Variants in KCNIP4 observed in about 807,000 individuals in gnomAD.
KCNIP4 encodes Kv channel-interacting protein 4.
KCNIP4 carries 12 observed loss-of-function variants against 34.0 expected under a neutral mutation model. The ratio of observed to expected loss-of-function variants is 0.35; its 90% confidence interval spans 0.23 to 0.57. The LOEUF (loss-of-function observed/expected upper bound fraction) is 0.57. Among genes scored for constraint, KCNIP4 ranks in the 20% least tolerant of loss-of-function variants. KCNIP4 has a pLI of 0.83. For missense variants in KCNIP4, 238 were observed against 311.7 expected (o/e 0.76, Z 1.78); for synonymous variants, 124 against 102.2 (o/e 1.21, Z -1.29).
chr4:21,455,772 G>A (rs1728874599), intron 1 of KCNIP4, among the ~76,000 whole-genome samples: 1 of 113,122 alleles, frequency 8.8e-6, no homozygotes, highest in Non-Finnish European at 1.8e-5. Flanking sequence ...CCCTATATAT[G>A]TATAGTCATA....
intron 1 of KCNIP4, chr4:21,848,198 ACC>A (rs957885896): frequency 3.3e-5 from 5 of 151,992 alleles, no homozygotes. Context: ...TAAACCACTC[ACC>A]CTGAAAAGCC....
chr4:20,814,106 T>C (rs13121944), intron 3 of KCNIP4, among the ~76,000 whole-genome samples: 4,066 of 152,272 alleles, frequency 0.027, 94 homozygotes, highest in South Asian at 0.083. Context: ...CATCGTATGG[T>C]GCTGGGAAGG....
intron 1 of KCNIP4, among the ~76,000 whole-genome samples, chr4:21,185,810 T>A (rs1315553840): frequency 6.6e-6 from 1 of 152,216 alleles, no homozygotes; most frequent in Non-Finnish European, 1.5e-5. Flanking sequence ...TGAGTTCACA[T>A]GAGGCATCTA....
intron 1 of KCNIP4, among the ~76,000 whole-genome samples, chr4:20,997,574 C>A (rs1737668705): frequency 6.6e-6 from 1 of 152,146 alleles, no homozygotes; most frequent in African/African-American, 2.4e-5. Context: ...TTAGGAAGGG[C>A]TGGGAAAGAG....
intron 1 of KCNIP4, among the ~76,000 whole-genome samples, chr4:21,662,717 T>C (rs577103253): frequency 3.2e-4 from 49 of 152,316 alleles, no homozygotes; most frequent in African/African-American, 1.1e-3. Flanking sequence ...ACAGAATTAC[T>C]AGAAAAACTA....
intron 1 of KCNIP4, among the ~76,000 whole-genome samples, chr4:21,493,413 T>C (rs568400034): frequency 2.0e-5 from 3 of 151,084 alleles, no homozygotes; most frequent in East Asian, 1.9e-4. Context: ...CTCTCTATCC[T>C]GCTCCCCATC....
intron 1 of KCNIP4, among the ~76,000 whole-genome samples, chr4:21,913,704 G>A (rs901949179): frequency 4.6e-5 from 7 of 152,168 alleles, no homozygotes; most frequent in African/African-American, 1.7e-4. Flanking sequence ...GACAACTGAA[G>A]TAATCGAATA....
chr4:21,065,729 TATATATA>T (rs1560690224), intron 1 of KCNIP4, among the ~76,000 whole-genome samples: 17 of 34,820 alleles, frequency 4.9e-4, no homozygotes, highest in African/African-American at 1.3e-3. Flanking sequence ...CATTTGTCTA[TATATATA>T]TATATATATA....
chr4:20,981,875 A>C (rs556718720), intron 1 of KCNIP4, among the ~76,000 whole-genome samples: 2 of 151,956 alleles, frequency 1.3e-5, no homozygotes, highest in East Asian at 3.9e-4. Context: ...GTAGATATAG[A>C]AATATAGATT....
At chr4:21,424,496 C>T (rs879677006) in intron 1 of KCNIP4, among the ~76,000 whole-genome samples, 41 of 151,896 alleles carry the variant, frequency 2.7e-4, no homozygotes, top group African/African-American at 8.2e-4. Flanking sequence ...TGCTTGAACC[C>T]GGGAGGTGGA....
chr4:21,682,779 T>C (rs1020654400), intron 1 of KCNIP4, among the ~76,000 whole-genome samples: 1 of 152,072 alleles, frequency 6.6e-6, no homozygotes, highest in African/African-American at 2.4e-5. Context: ...AGAAAAGACA[T>C]GGGGAATAGC....
chr4:20,964,522 G>C lies in KCNIP4; in HGVS notation c.62-81813C>G, dbSNP rs1016805688. ...AGCTCAGCAAGATCGTCTTTTTTGG[G>C]GGGGAGGTGGTAATTAACTGAGTGC... On this transcript the variant is annotated intron_variant, in intron 1 of 8. Coordinates refer to ENST00000382152, the MANE Select transcript of KCNIP4 (RefSeq NM_025221.6). 1.1e-4 allele frequency among the ~76,000 whole-genome samples: 17 copies of C among 152,226 alleles called. 1 individual carries two copies. Among genetic ancestry groups the C allele is most frequent in the Non-Finnish European group, 8.8e-5 (6 of 68,016 alleles).
chr4:21,232,812 T>C (rs555460121), intron 1 of KCNIP4, among the ~76,000 whole-genome samples: 2 of 152,208 alleles, frequency 1.3e-5, no homozygotes, highest in Non-Finnish European at 2.9e-5. Context: ...GATGTATATG[T>C]ATATGAGGTG....
chr4:21,749,646 G>A (rs1428385748), intron 1 of KCNIP4, among the ~76,000 whole-genome samples: 1 of 152,036 alleles, frequency 6.6e-6, no homozygotes, highest in African/African-American at 2.4e-5. Context: ...GTCATTCTTG[G>A]ACCTGTGCTT....
intron 1 of KCNIP4, among the ~76,000 whole-genome samples, chr4:20,898,727 G>T (rs904357571): frequency 3.3e-5 from 5 of 152,172 alleles, no homozygotes; most frequent in East Asian, 1.9e-4. Flanking sequence ...TAAGGATGTG[G>T]TTAATGTTCA....
intron 1 of KCNIP4, among the ~76,000 whole-genome samples, chr4:21,444,989 CAG>C (rs777650779): frequency 7.5e-4 from 114 of 152,240 alleles, no homozygotes; most frequent in Middle Eastern, 3.4e-3. Context: ...AACAGACAAA[CAG>C]AGAGCCAAAT....
At chr4:21,747,503 T>C (rs1258670979) in intron 1 of KCNIP4, among the ~76,000 whole-genome samples, 1 of 152,164 alleles carries the variant, frequency 6.6e-6, no homozygotes, top group East Asian at 1.9e-4. Context: ...GTGCAGGTTA[T>C]AGAGTACTGT....
At chr4:21,850,379 A>T (rs2109334909) in intron 1 of KCNIP4, 1 of 152,160 alleles carries the variant, frequency 6.6e-6, no homozygotes, top group South Asian at 2.1e-4. Flanking sequence ...TCGCCTCCAA[A>T]ACTCATGTTG....
rs1238817332 is a variant in KCNIP4, at chr4:20,729,531, T to TAACA, written c.*547_*550dup. 2.1e-5 allele frequency: 3 copies of TAACA among 145,072 alleles called. No individual in the cohort carries two copies. The highest frequency in any genetic ancestry group is 7.5e-5 in the African/African-American group (3 of 40,040). 9.0% of individuals were successfully genotyped at this position (145,072 alleles called of 1,614,324 possible). On this transcript the variant is annotated 3_prime_UTR_variant, in exon 9 of 9. Coordinates refer to ENST00000382152, the MANE Select transcript of KCNIP4 (RefSeq NM_025221.6). ...AAAAATGCCAGATAAAACTAATTTC[T>TAACA]AACAGAAGGTGGGAAGGCCATAGAA...
Sources: allele counts gnomAD v4.1 joint callset (sites outside exome capture counted in the v4.1 genomes callset), GRCh38; gene constraint gnomAD v4.1.1; transcripts MANE v1.5; gene names NCBI Gene and HGNC (gene_info 2026-07-23, HGNC 2026-07-21).